DHCR7: variants seen among roughly 807,000 people sequenced by gnomAD.
DHCR7 encodes the protein 7-DHC reductase.
Under a neutral mutation model 43.3 loss-of-function variants are expected in DHCR7, and 40 were observed. That is an observed-to-expected ratio of 0.92 (90% CI 0.72 to 1.20). The LOEUF (loss-of-function observed/expected upper bound fraction) is 1.20. DHCR7 is among the 50% of genes most tolerant of loss of function. The pLI, the probability that DHCR7 is intolerant of heterozygous loss-of-function variation, is 0.00. For synonymous variants in DHCR7, 298 were observed against 271.4 expected (o/e 1.10, Z -0.96); for missense variants, 608 against 644.6 (o/e 0.94, Z 0.62).
chr11:71,449,042 G>A (rs1032804493), upstream of DHCR7, among the ~76,000 whole-genome samples: 3 of 152,214 alleles, frequency 2.0e-5, no homozygotes, highest in Non-Finnish European at 4.4e-5. Context: ...CTGAGCCACA[G>A]TGCGAGCCGG....
chr11:71,435,552 G>GGCC lies in DHCR7; in HGVS notation c.1248_1250dup (p.Ala417dup). 2 of 1,611,006 alleles carry GGCC rather than the reference G, an allele frequency of 1.2e-6. No homozygotes were observed. Among genetic ancestry groups the GGCC allele is most frequent in the Non-Finnish European group, 1.7e-6 (2 of 1,179,902 alleles). ...GGCCGCCGCCACAGGCCAGGCAGTAGGCCAGGCTGCCCATCAGGTCGCCGA... is the reference window on the plus strand; with the variant it reads ...GGCCGCCGCCACAGGCCAGGCAGTAGGCCGCCAGGCTGCCCATCAGGTCGCCGA... On this transcript the variant is annotated inframe_insertion, in exon 9 of 9. Coordinates refer to ENST00000355527, the MANE Select transcript of DHCR7 (RefSeq NM_001360.3).
chr11:71,444,313 C>A, intron 3 of DHCR7, 98 bp from the exon 4 acceptor site: 1 of 976,272 alleles, frequency 1.0e-6, no homozygotes, highest in South Asian at 1.4e-5. Flanking sequence ...TTGCTCAAAC[C>A]CACCAGTACC....
Position 71,435,216 on chromosome 11 carries a change from G to A in DHCR7, c.*159C>T. 1 of 746,098 alleles carries A rather than the reference G, an allele frequency of 1.3e-6. No individual in the cohort carries two copies. Among genetic ancestry groups the A allele is most frequent in the Non-Finnish European group, 2.3e-6 (1 of 432,726 alleles). The allele number at this position is 746,098 out of a possible 1,614,324, so 46.2% of individuals were successfully genotyped here. A position where few individuals can be genotyped will look rare whatever the true frequency, so the allele number is the denominator to read the frequency against. On this transcript the variant is annotated 3_prime_UTR_variant, in exon 9 of 9. Coordinates refer to ENST00000355527, the MANE Select transcript of DHCR7 (RefSeq NM_001360.3). The stretch of plus-strand genomic sequence containing the variant: ...CTTGAAGGCAAAAGCAAGGAACAGA[G>A]CGTGATTAGGTACTGGACACCTGCC...
chr11:71,447,105 C>A (rs914951919), intron 2 of DHCR7, among the ~76,000 whole-genome samples: 1 of 152,216 alleles, frequency 6.6e-6, no homozygotes, highest in Non-Finnish European at 1.5e-5. Flanking sequence ...TGGTGTTAAT[C>A]CAGACCACCC....
upstream of DHCR7, chr11:71,448,811 A>G (rs558864023): frequency 6.6e-6 from 1 of 152,440 alleles, no homozygotes; most frequent in South Asian, 2.1e-4. Context: ...GTGCACCGCA[A>G]GGAGCAAAAC....
downstream of DHCR7, among the ~76,000 whole-genome samples, chr11:71,432,879 T>C (rs1300856192): frequency 6.6e-6 from 1 of 152,190 alleles, no homozygotes; most frequent in Non-Finnish European, 1.5e-5. Context: ...GAGCAATTGA[T>C]TGTTAAATGT....
At chr11:71,443,325 G>A (rs1055685985) in intron 4 of DHCR7, among the ~76,000 whole-genome samples, 2 of 152,268 alleles carry the variant, frequency 1.3e-5, no homozygotes, top group African/African-American at 2.4e-5. Context: ...TTGGACCCTG[G>A]GGAGAAACAG....
chr11:71,438,061 TC>T, intron 7 of DHCR7, 118 bp from the exon 8 acceptor site: 1 of 1,191,838 alleles, frequency 8.4e-7, no homozygotes, highest in Non-Finnish European at 1.2e-6. Flanking sequence ...CTCAGCAACT[TC>T]CTCAATGCTG....
intron 6 of DHCR7, among the ~76,000 whole-genome samples, chr11:71,440,696 T>C (rs1472682393): frequency 9.2e-6 from 1 of 108,970 alleles, no homozygotes; most frequent in Non-Finnish European, 1.8e-5. Context: ...GGATGATGGG[T>C]GAGTAGGTAG....
intron 2 of DHCR7, among the ~76,000 whole-genome samples, chr11:71,445,924 A>C (rs1036879433): frequency 6.6e-6 from 1 of 152,244 alleles, no homozygotes; most frequent in Non-Finnish European, 1.5e-5. Flanking sequence ...AAACTTCAAA[A>C]TTTTGAGGAA....
At chr11:71,439,739 A>C (rs1630498) in intron 6 of DHCR7, among the ~76,000 whole-genome samples, 43,074 of 152,072 alleles carry the variant, frequency 0.28, 6,563 homozygotes, top group South Asian at 0.47. Context: ...TAACTAGAAA[A>C]TCCTATTTTC....
chr11:71,428,059 C>A (rs1301561955), downstream of DHCR7: 1 of 152,188 alleles, frequency 6.6e-6, no homozygotes, highest in Non-Finnish European at 1.5e-5. Flanking sequence ...TGCAGGCAGG[C>A]CTTTCCAAAC....
At chr11:71,441,042 C>T (rs1949342079) in intron 6 of DHCR7, among the ~76,000 whole-genome samples, 185 bp downstream of exon 6, 1 of 152,220 alleles carries the variant, frequency 6.6e-6, no homozygotes. Context: ...CTTGCCAAGG[C>T]TGGAGAAGCC....
chr11:71,434,781 G>A lies in DHCR7; in HGVS notation c.*594C>T. 3.3e-6 allele frequency: 1 copy of A among 301,108 alleles called. No homozygotes were observed. The highest frequency in any genetic ancestry group is 6.5e-6 in the Non-Finnish European group (1 of 153,700). The allele number at this position is 301,108 out of a possible 1,614,324, so 18.7% of individuals were successfully genotyped here. ...GCAGACTCCAGGCAGAGCACTCCTG[G>A]CAGCTGTGCAGCAGGAGCAGGAAGG... On this transcript the variant is annotated 3_prime_UTR_variant, in exon 9 of 9. Coordinates refer to ENST00000355527, the MANE Select transcript of DHCR7 (RefSeq NM_001360.3).
chr11:71,431,251 T>C (rs1359636163), downstream of DHCR7, among the ~76,000 whole-genome samples: 2 of 152,084 alleles, frequency 1.3e-5, no homozygotes, highest in Non-Finnish European at 2.9e-5. Context: ...ATATGTAAAA[T>C]AGGTGAAGGG....
rs373808237 is a variant in DHCR7, at chr11:71,442,327, G to A, written c.348C>T (p.Asp116=). Residue 116 remains aspartate (D), a synonymous_variant, in exon 5 of 9, where the codon GAC becomes GAT. Coordinates refer to ENST00000355527, the MANE Select transcript of DHCR7 (RefSeq NM_001360.3). The part of the protein sequence containing the change: ...FQVLLYTSLP[D]FCHKFLPGYV... ...AGCCGGGTAGAAACTTATGGCAGAA[G>A]TCAGGGAGAGACGTGTACAGAAGCA... 6 of 1,613,976 alleles carry A rather than the reference G, an allele frequency of 3.7e-6. No homozygotes were observed. Among genetic ancestry groups the A allele is most frequent in the Non-Finnish European group, 2.5e-6 (3 of 1,179,966 alleles).
chr11:71,438,732 C>T, intron 7 of DHCR7, 147 bp downstream of exon 7: 1 of 847,908 alleles, frequency 1.2e-6, no homozygotes, highest in Non-Finnish European at 1.9e-6. Context: ...CAAGTGCTCG[C>T]CGGCTGCTTC....
At position 71,438,940 on chromosome 11, in the gene DHCR7, G is replaced by C. The variant is rs770925697; in HGVS notation, c.770C>G (p.Ala257Gly). ...AWTLINLSFA[A>G]KQRELHSHVT... ...ATGGCTGTGGAGCTCCCGCTGCTTC[G>C]CTGCGAAGGACAGGTTGATGAGGGT... is the stretch of plus-strand genomic sequence containing the variant. The change falls in exon 7 of 9, where the codon GCG becomes GGG. Residue 257 changes from alanine to glycine, a missense_variant. Coordinates refer to ENST00000355527, the MANE Select transcript of DHCR7 (RefSeq NM_001360.3). 2 of 1,613,926 alleles carry C rather than the reference G, an allele frequency of 1.2e-6. No individual in the cohort carries two copies. The highest frequency in any genetic ancestry group is 1.7e-6 in the Non-Finnish European group (2 of 1,180,056).
Position 71,438,648 on chromosome 11 carries a change from C to A in DHCR7, c.831+231G>T, listed in dbSNP as rs888684059. On this transcript the variant is annotated intron_variant, in intron 7 of 8. Coordinates refer to ENST00000355527, the MANE Select transcript of DHCR7 (RefSeq NM_001360.3). ...CCAAGGGAGACCTTCCTGGACCACG[C>A]CTGGCTGCGTAGAACCTGCCTCCTC... 1.5e-5 allele frequency: 9 copies of A among 603,134 alleles called. No homozygotes were observed. The African/African-American group carries it at 1.7e-4, about 11-fold the overall frequency. 37.4% of individuals were successfully genotyped at this position (603,134 alleles called of 1,614,324 possible).
Sources: allele counts gnomAD v4.1 joint callset (sites outside exome capture counted in the v4.1 genomes callset), GRCh38; gene constraint gnomAD v4.1.1; transcripts MANE v1.5; gene names NCBI Gene and HGNC (gene_info 2026-07-23, HGNC 2026-07-21).